Variants in SLC9A9 observed in about 807,000 individuals in gnomAD.
The protein encoded by SLC9A9 is sodium/hydrogen exchanger 9.
Under a neutral mutation model 77.8 loss-of-function variants are expected in SLC9A9, and 62 were observed. The observed-to-expected ratio is 0.80, with a 90% CI of 0.65 to 0.98. SLC9A9 has a LOEUF of 0.98. Ranked by LOEUF, SLC9A9 falls within the 50% of genes least tolerant of loss-of-function variation. The pLI, the probability that SLC9A9 is intolerant of heterozygous loss-of-function variation, is 0.00. For synonymous variants in SLC9A9, 320 were observed against 283.5 expected, an observed-to-expected ratio of 1.13 and a Z score of -1.29; for missense variants, 775 against 774.9, an observed-to-expected ratio of 1.00 and a Z score of 0.00.
intron 4 of SLC9A9, among the ~76,000 whole-genome samples, chr3:143,722,083 A>G (rs1934513439): frequency 6.6e-6 from 1 of 152,212 alleles, no homozygotes; most frequent in South Asian, 2.1e-4. Flanking sequence ...AATTTGATGG[A>G]TGGGGGAGAA....
intron 11 of SLC9A9, among the ~76,000 whole-genome samples, chr3:143,482,293 G>A (rs765154450): frequency 2.0e-4 from 30 of 152,164 alleles, no homozygotes; most frequent in South Asian, 4.1e-4. Context: ...AATGAGTCAG[G>A]AACATTAATA....
intron 4 of SLC9A9, among the ~76,000 whole-genome samples, chr3:143,737,831 C>T (rs911502691): frequency 4.6e-5 from 7 of 152,056 alleles, no homozygotes; most frequent in Admixed American, 6.6e-5. Context: ...TCAGTCACCC[C>T]GGCCCGAGAT....
chr3:143,324,042 G>C (rs532046779), intron 14 of SLC9A9, among the ~76,000 whole-genome samples: 1 of 152,190 alleles, frequency 6.6e-6, no homozygotes, highest in African/African-American at 2.4e-5. Context: ...CTTGGTGGTA[G>C]AGGTAACAAT....
At chr3:143,723,356 G>A (rs1255679520) in intron 4 of SLC9A9, among the ~76,000 whole-genome samples, 1 of 152,136 alleles carries the variant, frequency 6.6e-6, no homozygotes, top group Non-Finnish European at 1.5e-5. Context: ...CACCTTAGAG[G>A]CCGGTTTTCC....
At chr3:143,308,824 G>GCCTGGCATCC (rs909996646) in intron 14 of SLC9A9, among the ~76,000 whole-genome samples, 1 of 152,098 alleles carries the variant, frequency 6.6e-6, no homozygotes, top group African/African-American at 2.4e-5. Flanking sequence ...CTGAGGTTTG[G>GCCTGGCATCC]CCTGGCTTCC....
intron 6 of SLC9A9, among the ~76,000 whole-genome samples, chr3:143,649,173 C>T (rs997681028): frequency 6.6e-6 from 1 of 152,164 alleles, no homozygotes; most frequent in Non-Finnish European, 1.5e-5. Flanking sequence ...GATTTTTGTT[C>T]AGGGTTCAAA....
At chr3:143,368,050 G>A (rs569537119) in intron 13 of SLC9A9, among the ~76,000 whole-genome samples, 41 of 152,218 alleles carry the variant, frequency 2.7e-4, no homozygotes, top group African/African-American at 9.6e-4. Context: ...GATACTCTAA[G>A]CAGCAGAATG....
rs559947573 is a variant in SLC9A9, at chr3:143,308,545, C to G, written c.1605-39565G>C. On this transcript the variant is annotated intron_variant, in intron 14 of 15. Coordinates refer to ENST00000316549, the MANE Select transcript of SLC9A9 (RefSeq NM_173653.4). ...GAGCCGAGATCGCACCACTGCACTC[C>G]AGCCTGGGCGACAGAGCGAGACTCT... Among the ~76,000 whole-genome samples, 307 of 150,738 alleles carry G rather than the reference C, an allele frequency of 2.0e-3. 1 individual carries two copies. Among genetic ancestry groups the G allele is most frequent in the African/African-American group, 7.4e-3 (303 of 40,910 alleles).
intron 2 of SLC9A9, among the ~76,000 whole-genome samples, chr3:143,825,260 TCC>T (rs2108884046): frequency 6.6e-6 from 1 of 152,288 alleles, no homozygotes; most frequent in South Asian, 2.1e-4. Context: ...CTCAAGCGAT[TCC>T]TGTTACAGGA....
intron 1 of SLC9A9, among the ~76,000 whole-genome samples, chr3:143,838,147 G>C (rs2009615922): frequency 6.6e-6 from 1 of 152,092 alleles, no homozygotes; most frequent in Non-Finnish European, 1.5e-5. Flanking sequence ...CTGTCACAAA[G>C]CAATGTACAA....
chr3:143,363,276 A>G (rs1343886474), intron 14 of SLC9A9, among the ~76,000 whole-genome samples: 1 of 152,252 alleles, frequency 6.6e-6, no homozygotes, highest in Non-Finnish European at 1.5e-5. Context: ...GACTCTGAGA[A>G]GTTTCACTTT....
At chr3:143,740,150 CA>C (rs987711922) in intron 4 of SLC9A9, among the ~76,000 whole-genome samples, 3 of 152,038 alleles carry the variant, frequency 2.0e-5, no homozygotes, top group Admixed American at 6.6e-5. Context: ...TGAGAAGTAG[CA>C]AAGTTATGGA....
intron 4 of SLC9A9, among the ~76,000 whole-genome samples, chr3:143,777,596 T>G (rs552799328): frequency 6.6e-6 from 1 of 152,266 alleles, no homozygotes; most frequent in East Asian, 1.9e-4. Context: ...GAAATGCACC[T>G]ACCATGAGAA....
At chr3:143,657,447 C>A (rs1427196144) in intron 5 of SLC9A9, among the ~76,000 whole-genome samples, 2 of 152,284 alleles carry the variant, frequency 1.3e-5, no homozygotes, top group African/African-American at 4.8e-5. Flanking sequence ...TCTTATGCCC[C>A]AGAGCAATGT....
At position 143,626,422 on chromosome 3, in the gene SLC9A9, A is replaced by G. The variant is rs551864392; in HGVS notation, c.755+25833T>C. 2.0e-4 allele frequency among the ~76,000 whole-genome samples: 30 copies of G among 152,336 alleles called. No homozygotes were observed. In the East Asian group the frequency reaches 5.0e-3, roughly 25 times the overall value. ...AAAATGTGGCACATATACACCATGG[A>G]ATATTATGCAGCCATAAAAAATGAT... On this transcript the variant is annotated intron_variant, in intron 6 of 15. Coordinates refer to ENST00000316549, the MANE Select transcript of SLC9A9 (RefSeq NM_173653.4).
intron 4 of SLC9A9, among the ~76,000 whole-genome samples, chr3:143,755,174 C>T (rs972457188): frequency 2.0e-5 from 3 of 152,096 alleles, no homozygotes; most frequent in Admixed American, 6.6e-5. Context: ...TAGGAGTCTC[C>T]TGTACCTCTC....
chr3:143,560,946 T>A (rs1393038822), intron 8 of SLC9A9, among the ~76,000 whole-genome samples: 1 of 152,226 alleles, frequency 6.6e-6, no homozygotes, highest in African/African-American at 2.4e-5. Context: ...TTTGGGAGGC[T>A]GAGGCAGGCT....
chr3:143,283,121 C>T (rs1180196360), intron 14 of SLC9A9, among the ~76,000 whole-genome samples: 2 of 152,232 alleles, frequency 1.3e-5, no homozygotes, highest in East Asian at 3.8e-4. Flanking sequence ...AGAAATGAGT[C>T]TCCTCAATGT....
intron 12 of SLC9A9, among the ~76,000 whole-genome samples, chr3:143,423,165 A>G (rs2034332285): frequency 6.6e-6 from 1 of 152,092 alleles, no homozygotes; most frequent in African/African-American, 2.4e-5. Flanking sequence ...ACACAAATAT[A>G]CATGTAGAAA....
Sources: gnomAD v4.1 joint callset for allele counts (sites outside exome capture counted in the v4.1 genomes callset) on GRCh38, gnomAD v4.1.1 for gene constraint, MANE v1.5 for transcripts, NCBI Gene and HGNC (gene_info 2026-07-23, HGNC 2026-07-21) for gene names.